The following MTM1 variants were observed in gnomAD, a reference collection of about 807,000 sequenced individuals.
MTM1 encodes myotubularin 1, also known as myotubularin.
MTM1 carries 9 observed loss-of-function variants against 52.1 expected under a neutral mutation model. The observed-to-expected ratio is 0.17, with a 90% CI of 0.10 to 0.30. The LOEUF is 0.30. Ranked by LOEUF, MTM1 falls within the 10% of genes least tolerant of loss-of-function variation. The pLI, the probability that MTM1 is intolerant of heterozygous loss-of-function variation, is 1.00. For missense variants in MTM1, 277 were observed against 470.7 expected (o/e 0.59, Z 3.81); for synonymous variants, 136 against 163.8 (o/e 0.83, Z 1.29).
chrX:150,656,430 T>G (rs1218829829), intron 10 of MTM1, among the ~76,000 whole-genome samples: 1 of 111,604 alleles, frequency 9.0e-6, no homozygotes, highest in Non-Finnish European at 1.9e-5. Context: ...GAAAAGATCT[T>G]TAGTGGTGAG....
At chrX:150,646,809 G>A (rs1285533440) in intron 9 of MTM1, among the ~76,000 whole-genome samples, 2 of 112,359 alleles carry the variant, frequency 1.8e-5, no homozygotes, top group African/African-American at 6.5e-5. Context: ...AGCAAAACAA[G>A]TTCTTGAGCA....
chrX:150,653,757 G>A (rs2148503308), intron 10 of MTM1, among the ~76,000 whole-genome samples: 1 of 112,457 alleles, frequency 8.9e-6, no homozygotes, highest in South Asian at 3.7e-4. Context: ...GGACTCTGTA[G>A]TGTCTGGAGC....
intron 1 of MTM1, among the ~76,000 whole-genome samples, chrX:150,569,991 T>C (rs1196378553): frequency 1.8e-5 from 2 of 112,100 alleles, no homozygotes; most frequent in Non-Finnish European, 3.8e-5. Context: ...GCAGCACCAG[T>C]GTATAGTACC....
intron 9 of MTM1, among the ~76,000 whole-genome samples, chrX:150,646,292 T>A (rs2039931010): frequency 1.8e-5 from 2 of 112,786 alleles, no homozygotes; most frequent in African/African-American, 6.4e-5. Flanking sequence ...TATACTCACA[T>A]ATGTGTATTC....
chrX:150,622,194 CAAAA>C (rs10717650), intron 6 of MTM1, among the ~76,000 whole-genome samples: 5 of 68,036 alleles, frequency 7.3e-5, no homozygotes, highest in Non-Finnish European at 1.1e-4. Context: ...AAGAAACTGC[CAAAA>C]AAAAAAAAAA....
chrX:150,629,914 G>A lies in MTM1; in HGVS notation c.445-9029G>A, dbSNP rs782337301. 4.5e-5 allele frequency among the ~76,000 whole-genome samples: 5 copies of A among 111,160 alleles called. No homozygotes were observed. The East Asian group carries it at 1.1e-3, about 25-fold the overall frequency. ...ACATGCCTTCCCCCTTAACCCTAAT[G>A]GTAGAGAGCTATATACACTGTCATG... On this transcript the variant is annotated intron_variant, in intron 6 of 14. Transcript: ENST00000370396.
upstream of MTM1, among the ~76,000 whole-genome samples, chrX:150,564,947 C>T (rs1272826264): frequency 1.8e-5 from 2 of 111,756 alleles, no homozygotes; most frequent in East Asian, 5.6e-4. Context: ...TTAGACCTGG[C>T]ATTCATGTGC....
At chrX:150,606,970 C>T (rs1557412851) in intron 4 of MTM1, among the ~76,000 whole-genome samples, 1 of 80,539 alleles carries the variant, frequency 1.2e-5, no homozygotes, top group African/African-American at 4.5e-5. Context: ...TCCCCCTCCC[C>T]TCCCCTCCCA....
chrX:150,631,184 G>C (rs2039660004), intron 6 of MTM1, among the ~76,000 whole-genome samples: 1 of 112,546 alleles, frequency 8.9e-6, no homozygotes, highest in East Asian at 2.8e-4. Context: ...TTACCAGTGA[G>C]GGAATGGTGA....
intron 10 of MTM1, among the ~76,000 whole-genome samples, chrX:150,650,513 A>G: frequency 9.0e-6 from 1 of 111,384 alleles, no homozygotes; most frequent in South Asian, 3.8e-4. Flanking sequence ...TTTGTTTTCC[A>G]ACTTACCCTT....
At chrX:150,628,005 A>G (rs2039599450) in intron 6 of MTM1, among the ~76,000 whole-genome samples, 1 of 111,506 alleles carries the variant, frequency 9.0e-6, no homozygotes, top group East Asian at 2.8e-4. Context: ...CTTAGCACCA[A>G]TAATCTAGAC....
At chrX:150,615,307 A>G (rs73638261) in intron 5 of MTM1, among the ~76,000 whole-genome samples, 1,132 of 111,523 alleles carry the variant, frequency 0.01, 14 homozygotes, top group African/African-American at 0.036. Flanking sequence ...GCTGGGACCC[A>G]AAAGGTGGGG....
At chrX:150,616,464 C>T (rs222393) in intron 5 of MTM1, among the ~76,000 whole-genome samples, 29,373 of 111,005 alleles carry the variant, frequency 0.26, 3,067 homozygotes, top group South Asian at 0.48. Context: ...CATGATACAA[C>T]CGCATTTCTC....
At chrX:150,563,565 G>A (rs182415957), upstream of MTM1, among the ~76,000 whole-genome samples, 789 of 103,675 alleles carry the variant, frequency 7.6e-3, 5 homozygotes, top group African/African-American at 0.026. Context: ...TGCTTGCCTC[G>A]GCCTCCCAAA....
upstream of MTM1, among the ~76,000 whole-genome samples, chrX:150,563,949 T>G (rs150366278): frequency 1.9e-3 from 211 of 111,670 alleles, no homozygotes; most frequent in African/African-American, 6.2e-3. Flanking sequence ...GCAGTGAAAT[T>G]CGCCCATCTC....
At chrX:150,627,498 T>C (rs782439135) in intron 6 of MTM1, among the ~76,000 whole-genome samples, 3 of 111,838 alleles carry the variant, frequency 2.7e-5, no homozygotes, top group African/African-American at 9.8e-5. Flanking sequence ...TTATAAAAGT[T>C]CTATTTGATT....
At position 150,573,878 on chromosome X, in the gene MTM1, C is replaced by T. The variant is rs191129292; in HGVS notation, c.-11+5216C>T. Among the ~76,000 whole-genome samples the T allele has an allele frequency of 3.1e-3, 343 of 112,115 alleles. 2 individuals carry two copies. Among genetic ancestry groups the T allele is most frequent in the African/African-American group, 0.01 (317 of 30,842 alleles). On this transcript the variant is annotated intron_variant, in intron 1 of 14. Coordinates refer to ENST00000370396, the MANE Select transcript of MTM1 (RefSeq NM_000252.3). ...TTGGCCATGACATGAAATATACCTG[C>T]GTGTCAGTACTGTTTGTGGATAACA...
chrX:150,655,126 C>T (rs11796690), intron 10 of MTM1, among the ~76,000 whole-genome samples: 126 of 110,006 alleles, frequency 1.1e-3, no homozygotes, highest in Non-Finnish European at 2.1e-3. Context: ...GAGATCGAGA[C>T]CATCCTGGCT....
At chrX:150,658,594 T>C (rs1557414549) in intron 11 of MTM1, among the ~76,000 whole-genome samples, 1 of 110,880 alleles carries the variant, frequency 9.0e-6, no homozygotes, top group African/African-American at 3.3e-5. Flanking sequence ...TAAAAATTTT[T>C]TAAAATAACC....
Sources: gnomAD v4.1 joint callset for allele counts (sites outside exome capture counted in the v4.1 genomes callset) on GRCh38, gnomAD v4.1.1 for gene constraint, MANE v1.5 for transcripts, NCBI Gene and HGNC (gene_info 2026-07-23, HGNC 2026-07-21) for gene names.